MAD1L1: variants seen among roughly 807,000 people sequenced by gnomAD.
The protein encoded by MAD1L1 is mitotic spindle assembly checkpoint protein MAD1.
A neutral mutation model predicts 96.9 loss-of-function variants in MAD1L1; 95 were observed. The observed-to-expected ratio is 0.98, with a 90% CI of 0.83 to 1.16. The LOEUF (loss-of-function observed/expected upper bound fraction) is 1.16. Among genes scored for constraint, MAD1L1 ranks in the 50% most tolerant of loss-of-function variants. The pLI is 0.00. For missense variants in MAD1L1, 1,007 were observed against 954.4 expected, an observed-to-expected ratio of 1.06 and a Z score of -0.73; for synonymous variants, 473 against 396.6, an observed-to-expected ratio of 1.19 and a Z score of -2.29.
intron 18 of MAD1L1, among the ~76,000 whole-genome samples, chr7:1,888,374 GGCT>G (rs1324665438): frequency 7.0e-6 from 1 of 143,096 alleles, no homozygotes; most frequent in African/African-American, 2.8e-5. Flanking sequence ...GCGTGTATGT[GGCT>G]GCCTATGCGT....
At chr7:2,212,417 T>C (rs1288778792) in intron 10 of MAD1L1, among the ~76,000 whole-genome samples, 2 of 152,140 alleles carry the variant, frequency 1.3e-5, no homozygotes, top group Admixed American at 1.3e-4. Context: ...ATGCCTCATG[T>C]TGAATTGTAA....
chr7:1,942,184 G>A (rs1415980519), intron 16 of MAD1L1, among the ~76,000 whole-genome samples: 2 of 152,228 alleles, frequency 1.3e-5, no homozygotes, highest in Non-Finnish European at 2.9e-5. Flanking sequence ...CAGGGGTGGA[G>A]CTGCCACTCA....
chr7:1,997,629 G>A (rs1781615521), intron 14 of MAD1L1, among the ~76,000 whole-genome samples: 1 of 152,276 alleles, frequency 6.6e-6, no homozygotes, highest in Non-Finnish European at 1.5e-5. Flanking sequence ...TAACCCCCGG[G>A]AAGAAGCCAT....
At chr7:1,857,226 C>T (rs1664740948) in intron 18 of MAD1L1, among the ~76,000 whole-genome samples, 1 of 152,228 alleles carries the variant, frequency 6.6e-6, no homozygotes, top group African/African-American at 2.4e-5. Context: ...CATCAGCAGC[C>T]CCACCAGGAG....
At chr7:2,161,588 C>T (rs1417073369) in intron 10 of MAD1L1, among the ~76,000 whole-genome samples, 1 of 151,666 alleles carries the variant, frequency 6.6e-6, no homozygotes, top group Non-Finnish European at 1.5e-5. Context: ...GTGAGGAGCC[C>T]CTCTGCCCGA....
chr7:2,228,382 C>T (rs1366982666), intron 3 of MAD1L1, among the ~76,000 whole-genome samples: 3 of 152,060 alleles, frequency 2.0e-5, no homozygotes, highest in African/African-American at 4.8e-5. Context: ...CCTCAGCCTC[C>T]CGAGTAGGTG....
chr7:2,008,479 A>G (rs897930955), intron 13 of MAD1L1, among the ~76,000 whole-genome samples: 1 of 152,178 alleles, frequency 6.6e-6, no homozygotes, highest in Non-Finnish European at 1.5e-5. Flanking sequence ...CACCTCTGAG[A>G]CAAGAGCTCC....
chr7:2,083,920 C>T (rs557961510), intron 11 of MAD1L1, among the ~76,000 whole-genome samples: 1 of 152,222 alleles, frequency 6.6e-6, no homozygotes, highest in Non-Finnish European at 1.5e-5. Flanking sequence ...CAGTCAGACC[C>T]TGGGGTGGGG....
intron 18 of MAD1L1, among the ~76,000 whole-genome samples, chr7:1,827,521 C>T (rs1490008908): frequency 1.5e-5 from 2 of 134,666 alleles, no homozygotes; most frequent in South Asian, 2.5e-4. Flanking sequence ...GTCCTCCCCT[C>T]CTGAGCCCGT....
At chr7:1,863,376 G>A (rs572220699) in intron 18 of MAD1L1, among the ~76,000 whole-genome samples, 37 of 152,366 alleles carry the variant, frequency 2.4e-4, no homozygotes, top group East Asian at 1.4e-3. Context: ...CGGCAGGCCC[G>A]GGGCCAGCGG....
At chr7:2,196,387 A>C (rs1791985697) in intron 10 of MAD1L1, among the ~76,000 whole-genome samples, 1 of 152,232 alleles carries the variant, frequency 6.6e-6, no homozygotes, top group Non-Finnish European at 1.5e-5. Flanking sequence ...TCTGGCCTTC[A>C]TTCCCACCAG....
intron 11 of MAD1L1, chr7:2,079,587 C>A (rs377480341): frequency 3.2e-5 from 15 of 468,652 alleles, no homozygotes; most frequent in African/African-American, 2.8e-4. Flanking sequence ...AGAGGCCACA[C>A]GGCAAATACT....
chr7:1,891,217 A>G (rs1423630949), intron 18 of MAD1L1, among the ~76,000 whole-genome samples: 1 of 152,224 alleles, frequency 6.6e-6, no homozygotes, highest in East Asian at 1.9e-4. Flanking sequence ...GCTTTAAGCT[A>G]AGTGTTATAC....
At chr7:1,854,443 A>G in intron 18 of MAD1L1, 2 of 449,174 alleles carry the variant, frequency 4.5e-6, no homozygotes, top group South Asian at 3.2e-5. Flanking sequence ...ACAGGCCTGG[A>G]GGCCACAAGG....
At chr7:2,231,830 T>C (rs761050110) in intron 1 of MAD1L1, among the ~76,000 whole-genome samples, 1 of 152,198 alleles carries the variant, frequency 6.6e-6, no homozygotes, top group Admixed American at 6.5e-5. Context: ...AGTTTCCTCA[T>C]CTGTAAACTC....
intron 13 of MAD1L1, among the ~76,000 whole-genome samples, chr7:2,008,863 G>T (rs569705712): frequency 1.3e-5 from 2 of 152,120 alleles, no homozygotes; most frequent in Non-Finnish European, 2.9e-5. Flanking sequence ...CATCCCAAAC[G>T]ACCTGACGCA....
At chr7:2,047,929 T>C (rs1472220350) in intron 12 of MAD1L1, among the ~76,000 whole-genome samples, 1 of 152,044 alleles carries the variant, frequency 6.6e-6, no homozygotes, top group Non-Finnish European at 1.5e-5. Flanking sequence ...TTCACACAGA[T>C]GTGCATGCAC....
intron 16 of MAD1L1, among the ~76,000 whole-genome samples, chr7:1,957,404 G>A (rs1001786270): frequency 3.3e-5 from 5 of 152,230 alleles, no homozygotes; most frequent in South Asian, 2.1e-4. Flanking sequence ...GACACCAGGC[G>A]TGTGGGTGGT....
chr7:2,081,694 C>T (rs543530401), intron 11 of MAD1L1, among the ~76,000 whole-genome samples: 164 of 152,368 alleles, frequency 1.1e-3, no homozygotes, highest in African/African-American at 3.6e-3. Flanking sequence ...TTCCAGCCCC[C>T]GTGGTCGGCG....
Sources: allele counts gnomAD v4.1 joint callset (sites outside exome capture counted in the v4.1 genomes callset), GRCh38; gene constraint gnomAD v4.1.1; transcripts MANE v1.5; gene names NCBI Gene and HGNC (gene_info 2026-07-23, HGNC 2026-07-21).